Variants in NEURL3 observed in about 807,000 individuals in gnomAD.
NEURL3 encodes the protein neuralized E3 ubiquitin protein ligase 3, also known as E3 ubiquitin-protein ligase NEURL3.
NEURL3 carries 19 observed loss-of-function variants against 17.6 expected under a neutral mutation model. The ratio of observed to expected loss-of-function variants is 1.08; its 90% CI spans 0.75 to 1.58. The LOEUF (loss-of-function observed/expected upper bound fraction) is 1.58. Among genes scored for constraint, NEURL3 ranks in the 40% most tolerant of loss-of-function variants. The pLI is 0.00. For synonymous variants in NEURL3, 180 were observed against 161.4 expected, an observed-to-expected ratio of 1.11 and a Z score of -0.87; for missense variants, 342 against 379.6, an observed-to-expected ratio of 0.90 and a Z score of 0.82.
intron 1 of NEURL3, among the ~76,000 whole-genome samples, chr2:96,502,225 T>C (rs2579505): frequency 0.65 from 98,702 of 152,100 alleles, 32,246 homozygotes; most frequent in South Asian, 0.87. Context: ...CATCCCTTCC[T>C]GCGAATCCCA....
rs1197583768 is a variant in NEURL3 at position 96,500,775 on chromosome 2, G to A, written c.178C>T (p.Arg60Cys). 3 of 1,526,016 alleles carry A rather than the reference G, an allele frequency of 2.0e-6. No individual in the cohort carries two copies. The highest frequency in any genetic ancestry group is 2.5e-5 in the East Asian group (1 of 40,312). The allele number at this position is 1,526,016 out of a possible 1,614,324, so 94.5% of individuals were successfully genotyped here. ...FSQRPVRLGE[R>C]VALRVLREES... ...TCCCGCAGCACTCGCAGCGCCACAC[G>A]CTCGCCCAGGCGCACCGGCCGCTGG... The change falls in exon 2 of 4, where the codon CGT (arginine) becomes TGT (cysteine). Residue 60 changes from arginine (R) to cysteine (C), a missense_variant. Transcript: ENST00000451794.
At chr2:96,505,131 G>A (rs1271408553) in intron 1 of NEURL3, 128 bp downstream of exon 1, 2 of 1,095,044 alleles carry the variant, frequency 1.8e-6, no homozygotes, top group Non-Finnish European at 2.6e-6. Flanking sequence ...TGGCAGAACT[G>A]GGACCCCACC....
Position 96,500,818 on chromosome 2 carries a change from GT to G in NEURL3, c.134del (p.His45ProfsTer114). On this transcript the variant is annotated frameshift_variant, in exon 2 of 4. Coordinates refer to ENST00000451794, the MANE Select transcript of NEURL3 (RefSeq NM_001285485.2). LOFTEE classifies it high-confidence loss of function. ...GCIAHRRTTF[H>X]DGIVFSQRPV... Reference sequence around the variant, plus strand: ...GCCGCTGGCTGAACACGATGCCGTCGTGGAACGTGGTGCGCCTGTGCGCGAT... The same window carrying G: ...GCCGCTGGCTGAACACGATGCCGTCGGGAACGTGGTGCGCCTGTGCGCGAT... 1 of 1,527,664 alleles carries G rather than the reference GT, an allele frequency of 6.5e-7. No homozygotes were observed. Among genetic ancestry groups the G allele is most frequent in the Non-Finnish European group, 8.8e-7 (1 of 1,142,764 alleles). 94.6% of individuals were successfully genotyped at this position (1,527,664 alleles called of 1,614,324 possible).
At chr2:96,505,614 C>T (rs1434196668), upstream of NEURL3, among the ~76,000 whole-genome samples, 1 of 152,130 alleles carries the variant, frequency 6.6e-6, no homozygotes, top group Admixed American at 6.5e-5. Flanking sequence ...TGTAATGGTC[C>T]AAGCATGTTA....
rs1405119352 is a variant in NEURL3 at position 96,500,731 on chromosome 2, G to C, written c.222C>G (p.Gly74=). 6 of 1,517,268 alleles carry C rather than the reference G, an allele frequency of 4.0e-6. No individual in the cohort carries two copies. Among genetic ancestry groups the C allele is most frequent in the Non-Finnish European group, 5.3e-6 (6 of 1,138,680 alleles). 94.0% of individuals were successfully genotyped at this position (1,517,268 alleles called of 1,614,324 possible). ...RVLREESGWC[G]GLRVGFTRLD... Reference sequence around the variant, plus strand: ...GGCGCGTGAAGCCCACGCGGAGGCCGCCGCACCAGCCGCTCTCCTCCCGCA... The same window carrying C: ...GGCGCGTGAAGCCCACGCGGAGGCCCCCGCACCAGCCGCTCTCCTCCCGCA... The change falls in exon 2 of 4, where the codon GGC becomes GGG. Residue 74 remains glycine, a synonymous_variant. Coordinates refer to ENST00000451794, the MANE Select transcript of NEURL3 (RefSeq NM_001285485.2).
chr2:96,499,501 C>A (rs930122949), intron 2 of NEURL3, 52 bp from the exon 3 acceptor site: 10 of 1,522,190 alleles, frequency 6.6e-6, no homozygotes, highest in Non-Finnish European at 9.0e-6. Flanking sequence ...AGGTGCCCCC[C>A]CATCCCCGCC....
intron 1 of NEURL3, among the ~76,000 whole-genome samples, chr2:96,502,166 C>T (rs536516427): frequency 2.0e-5 from 3 of 152,286 alleles, no homozygotes; most frequent in East Asian, 3.9e-4. Flanking sequence ...CCTGTGTATC[C>T]GCATTCACCC....
intron 2 of NEURL3, 120 bp downstream of exon 2, chr2:96,500,319 G>A (rs748799134): frequency 1.4e-6 from 2 of 1,429,512 alleles, no homozygotes; most frequent in East Asian, 2.5e-5. Context: ...GCTAACACTG[G>A]GCAGGGGCTG....
At position 96,500,743 on chromosome 2, in the gene NEURL3, G is replaced by T; in HGVS notation, c.210C>A (p.Ser70Arg). ...RVALRVLREESGWCGGLRVGF... is the reference protein window; with the variant it reads ...RVALRVLREERGWCGGLRVGF... Reference sequence around the variant, plus strand: ...CCACGCGGAGGCCGCCGCACCAGCCGCTCTCCTCCCGCAGCACTCGCAGCG... The same window carrying T: ...CCACGCGGAGGCCGCCGCACCAGCCTCTCTCCTCCCGCAGCACTCGCAGCG... Residue 70 changes from serine to arginine, a missense_variant, in exon 2 of 4, where the codon AGC (serine) becomes AGA (arginine). By Grantham distance (110) the Ser-to-Arg change is moderately radical (BLOSUM62 -1). Transcript: ENST00000451794. 4 of 1,520,724 alleles carry T rather than the reference G, an allele frequency of 2.6e-6. No homozygotes were observed. The highest frequency in any genetic ancestry group is 3.5e-6 in the Non-Finnish European group (4 of 1,140,118). 94.2% of individuals were successfully genotyped at this position (1,520,724 alleles called of 1,614,324 possible).
chr2:96,504,032 T>TC (rs2065537003), intron 1 of NEURL3, among the ~76,000 whole-genome samples: 1 of 152,054 alleles, frequency 6.6e-6, no homozygotes, highest in African/African-American at 2.4e-5. Context: ...TGCCCCGGGG[T>TC]CCCCACTGCT....
chr2:96,505,289 G>A lies in NEURL3; in HGVS notation c.-3C>T. On this transcript the variant is annotated 5_prime_UTR_variant, in exon 1 of 4. Transcript: ENST00000451794. ...TCGAAGCAGAGCTGGGCACCCATCA[G>A]TCTAAGGTCCTCGGGCACAGGTCCC... 6.3e-7 allele frequency: 1 copy of A among 1,599,194 alleles called. No homozygotes were observed. Among genetic ancestry groups the A allele is most frequent in the Non-Finnish European group, 8.5e-7 (1 of 1,179,798 alleles).
chr2:96,501,716 C>T (rs557916296), intron 1 of NEURL3, among the ~76,000 whole-genome samples: 2 of 152,244 alleles, frequency 1.3e-5, no homozygotes, highest in East Asian at 3.9e-4. Flanking sequence ...CCTCACTGAG[C>T]AGCCCTTCCT....
In NEURL3 at chr2:96,500,822, A is replaced by AAC; in HGVS notation, c.129_130dup (p.Phe44CysfsTer116). The stretch of plus-strand genomic sequence containing the variant: ...CTGGCTGAACACGATGCCGTCGTGG[A>AAC]ACGTGGTGCGCCTGTGCGCGATGCA... On this transcript the variant is annotated frameshift_variant, in exon 2 of 4. Coordinates refer to ENST00000451794, the MANE Select transcript of NEURL3 (RefSeq NM_001285485.2). LOFTEE classifies it high-confidence loss of function. 1 of 1,528,718 alleles carries AAC rather than the reference A, an allele frequency of 6.5e-7. No individual in the cohort carries two copies. The highest frequency in any genetic ancestry group is 8.7e-7 in the Non-Finnish European group (1 of 1,143,326). The allele number at this position is 1,528,718 out of a possible 1,614,324, so 94.7% of individuals were successfully genotyped here. A position where few individuals can be genotyped will look rare whatever the true frequency, so the allele number is the denominator to read the frequency against.
intron 1 of NEURL3, among the ~76,000 whole-genome samples, chr2:96,503,786 G>A (rs772567895): frequency 2.6e-5 from 4 of 152,166 alleles, no homozygotes; most frequent in Admixed American, 2.0e-4. Context: ...CAGGCAGCCC[G>A]GGACACCCCA....
chr2:96,503,870 T>C (rs2065534678), intron 1 of NEURL3, among the ~76,000 whole-genome samples: 1 of 152,234 alleles, frequency 6.6e-6, no homozygotes. Context: ...CCCCAGTGGC[T>C]GGGCTGGCAC....
chr2:96,505,186 A>T, intron 1 of NEURL3, 73 bp downstream of exon 1: 1 of 1,559,304 alleles, frequency 6.4e-7, no homozygotes, highest in Admixed American at 1.7e-5. Flanking sequence ...TCCAGCAATG[A>T]CACAGAGCAC....
upstream of NEURL3, chr2:96,507,816 C>T (rs1488661250): frequency 1.3e-5 from 2 of 152,274 alleles, no homozygotes; most frequent in African/African-American, 4.8e-5. Flanking sequence ...ATGGCAACTC[C>T]TCAAAAAGGT....
At chr2:96,506,629 G>T (rs117082015), upstream of NEURL3, among the ~76,000 whole-genome samples, 1 of 152,276 alleles carries the variant, frequency 6.6e-6, no homozygotes, top group Non-Finnish European at 1.5e-5. Flanking sequence ...GTGACTGCTC[G>T]GCTAAGGGAT....
chr2:96,499,729 C>T (rs930050967), intron 2 of NEURL3, among the ~76,000 whole-genome samples: 2 of 152,090 alleles, frequency 1.3e-5, no homozygotes, highest in South Asian at 2.1e-4. Flanking sequence ...TGGAGACCCT[C>T]GGCCGAGCCA....
Sources: allele counts gnomAD v4.1 joint callset (sites outside exome capture counted in the v4.1 genomes callset), GRCh38; gene constraint gnomAD v4.1.1; transcripts MANE v1.5; gene names NCBI Gene and HGNC (gene_info 2026-07-23, HGNC 2026-07-21).